Variants in ASTN2 observed in about 807,000 individuals in gnomAD.
The protein encoded by ASTN2 is astrotactin 2, also known as astrotactin-2.
In ASTN2, 54 loss-of-function variants were observed where a neutral mutation model predicts 139.8. That is an observed-to-expected ratio of 0.39 (90% CI 0.31 to 0.48). The LOEUF (loss-of-function observed/expected upper bound fraction) is 0.48, where lower values mean the gene tolerates loss of function less well. ASTN2 is among the 20% of genes least tolerant of loss of function. The probability of loss-of-function intolerance (pLI) is 0.95; values close to 1 mark genes in which losing one functional copy is unlikely to be tolerated. For missense variants in ASTN2, 1,565 were observed against 1,725.1 expected (o/e 0.91, Z 1.64); for synonymous variants, 756 against 719.5 (o/e 1.05, Z -0.81).
chr9:116,939,464 G>A (rs981675583), intron 10 of ASTN2, among the ~76,000 whole-genome samples: 1 of 151,948 alleles, frequency 6.6e-6, no homozygotes, highest in Non-Finnish European at 1.5e-5. Flanking sequence ...CTGGAGGACA[G>A]GCATTATATG....
At chr9:117,125,446 C>T (rs1314325119) in intron 4 of ASTN2, among the ~76,000 whole-genome samples, 1 of 152,182 alleles carries the variant, frequency 6.6e-6, no homozygotes, top group Non-Finnish European at 1.5e-5. Flanking sequence ...TTTAACAACT[C>T]TATCCCTATA....
At chr9:117,059,652 C>T (rs899742282) in intron 5 of ASTN2, among the ~76,000 whole-genome samples, 1 of 151,804 alleles carries the variant, frequency 6.6e-6, no homozygotes, top group African/African-American at 2.4e-5. Context: ...ACAAAAACCC[C>T]ACCACCACCA....
Position 116,424,496 on chromosome 9 carries a change from C to T in ASTN2, c.*1355G>A, listed in dbSNP as rs563997124. Among the ~76,000 whole-genome samples the T allele has an allele frequency of 3.9e-5, 6 of 152,266 alleles. No homozygotes were observed. Among genetic ancestry groups the T allele is most frequent in the Admixed American group, 2.0e-4 (3 of 15,280 alleles). On this transcript the variant is annotated 3_prime_UTR_variant, in exon 23 of 23. Transcript: ENST00000313400. ...CCTTTTAACACTTCCTATTTTGATC[C>T]CTACTCTTAAGGAAAGTTTTCAGTC...
At chr9:116,473,525 C>T (rs979309079) in intron 20 of ASTN2, among the ~76,000 whole-genome samples, 23 of 152,180 alleles carry the variant, frequency 1.5e-4, no homozygotes, top group Non-Finnish European at 1.0e-4. Context: ...AACAGAAAAA[C>T]GTGAGTAACT....
At chr9:116,718,747 T>C (rs1368767549) in intron 16 of ASTN2, among the ~76,000 whole-genome samples, 1 of 151,832 alleles carries the variant, frequency 6.6e-6, no homozygotes, top group Non-Finnish European at 1.5e-5. Context: ...CATCTTCTTT[T>C]GTTGGATCTC....
chr9:117,193,295 A>C (rs575746296), intron 3 of ASTN2, among the ~76,000 whole-genome samples: 10 of 152,248 alleles, frequency 6.6e-5, no homozygotes, highest in Middle Eastern at 3.4e-3. Context: ...GGCAACATGG[A>C]GAGGAAAGAG....
chr9:116,968,634 C>T (rs373801083), intron 10 of ASTN2, among the ~76,000 whole-genome samples: 11 of 152,246 alleles, frequency 7.2e-5, no homozygotes, highest in African/African-American at 2.6e-4. Context: ...TGTGGTGGCT[C>T]ACAACTGGAA....
chr9:116,772,933 G>C (rs1164332922), intron 13 of ASTN2, among the ~76,000 whole-genome samples: 2 of 152,160 alleles, frequency 1.3e-5, no homozygotes, highest in Non-Finnish European at 2.9e-5. Flanking sequence ...TTAGGGGTGT[G>C]TCTTTCCTGC....
At position 117,077,013 on chromosome 9, in the gene ASTN2, C is replaced by T. The variant is rs376945096; in HGVS notation, c.1276+19031G>A. On this transcript the variant is annotated intron_variant, in intron 5 of 22. Transcript: ENST00000313400. The stretch of plus-strand genomic sequence containing the variant: ...CTTTTAATTTAATTTTGTTCAGAGA[C>T]GCATGGGTAACAAATTTCACTAATC... Among the ~76,000 whole-genome samples the T allele has an allele frequency of 3.4e-4, 52 of 152,264 alleles. 5 individuals carry two copies. The highest frequency in any genetic ancestry group is 1.2e-3 in the African/African-American group (48 of 41,550).
chr9:116,581,240 T>C (rs1201670733), intron 19 of ASTN2, among the ~76,000 whole-genome samples: 2 of 152,148 alleles, frequency 1.3e-5, no homozygotes, highest in African/African-American at 4.8e-5. Flanking sequence ...CTCAGCTGGA[T>C]GGCAACATGG....
chr9:116,529,943 G>A (rs1164806588), intron 19 of ASTN2, among the ~76,000 whole-genome samples: 1 of 151,550 alleles, frequency 6.6e-6, no homozygotes, highest in Non-Finnish European at 1.5e-5. Flanking sequence ...ATAGCAGTGT[G>A]TAAACAGACT....
chr9:116,489,825 A>G lies in ASTN2; in HGVS notation c.3356-2325T>C, dbSNP rs549130325. Among the ~76,000 whole-genome samples the G allele has an allele frequency of 4.5e-4, 69 of 152,266 alleles. 2 individuals carry two copies. In the South Asian group the frequency reaches 8.7e-3, roughly 19 times the overall value. ...TGTTTCTTGGTTTCTATTTTTCACGAAGACAATACATGGTTCATAGACTTG... is the reference window on the plus strand; with the variant it reads ...TGTTTCTTGGTTTCTATTTTTCACGGAGACAATACATGGTTCATAGACTTG... On this transcript the variant is annotated intron_variant, in intron 19 of 22. Transcript: ENST00000313400.
chr9:116,540,733 C>T (rs1307231051), intron 19 of ASTN2: 1 of 152,176 alleles, frequency 6.6e-6, no homozygotes, highest in Non-Finnish European at 1.5e-5. Flanking sequence ...TAAGTTCCAT[C>T]CAACAGGTGA....
chr9:117,411,446 CA>C (rs199996219), intron 1 of ASTN2, among the ~76,000 whole-genome samples: 1,205 of 43,238 alleles, frequency 0.028, 10 homozygotes, highest in African/African-American at 0.037. Flanking sequence ...AAAGGATCTG[CA>C]AAAAAAAAAA....
chr9:116,426,785 T>C (rs979397080), intron 22 of ASTN2, among the ~76,000 whole-genome samples: 3 of 152,178 alleles, frequency 2.0e-5, no homozygotes, highest in Non-Finnish European at 4.4e-5. Context: ...TCAGAACTTT[T>C]CTGTGTCTCA....
Position 116,942,112 on chromosome 9 carries a change from A to AC in ASTN2, c.1889+33095dup, listed in dbSNP as rs1234984812. 3.1e-4 allele frequency among the ~76,000 whole-genome samples: 31 copies of AC among 100,874 alleles called. No homozygotes were observed. In the East Asian group the frequency reaches 5.2e-3, roughly 17 times the overall value. 66.2% of individuals were successfully genotyped at this position (100,874 alleles called of 152,430 possible). A position where few individuals can be genotyped will look rare whatever the true frequency, so the allele number is the denominator to read the frequency against. ...CACGCACACACACACACACACACAC[A>AC]CACCACACACACACACACAATGTGG... On this transcript the variant is annotated intron_variant, in intron 10 of 22. Transcript: ENST00000313400.
At chr9:117,253,668 G>C (rs1833601778) in intron 2 of ASTN2, among the ~76,000 whole-genome samples, 1 of 152,138 alleles carries the variant, frequency 6.6e-6, no homozygotes. Context: ...CAAGGAAATG[G>C]AAGCCAGAGA....
intron 19 of ASTN2, among the ~76,000 whole-genome samples, chr9:116,520,170 T>C (rs1251779951): frequency 3.3e-5 from 5 of 152,006 alleles, no homozygotes; most frequent in African/African-American, 4.8e-5. Flanking sequence ...ATCATCCTAA[T>C]ACCAAAACCA....
rs192169879 is a variant in ASTN2, at chr9:116,648,869, A to T, written c.3072+2659T>A. Among the ~76,000 whole-genome samples, 714 of 152,176 alleles carry T rather than the reference A, an allele frequency of 4.7e-3. 5 individuals carry two copies. Among genetic ancestry groups the T allele is most frequent in the African/African-American group, 0.017 (687 of 41,524 alleles). On this transcript the variant is annotated intron_variant, in intron 17 of 22. Coordinates refer to ENST00000313400, the MANE Select transcript of ASTN2 (RefSeq NM_001365068.1). Reference sequence around the variant, plus strand: ...GCCAACATGTTGAAACCTTGTCTCTACTAAAAATACAAAAATTAGCCAGGC... The same window carrying T: ...GCCAACATGTTGAAACCTTGTCTCTTCTAAAAATACAAAAATTAGCCAGGC...
Sources: gnomAD v4.1 joint callset for allele counts (sites outside exome capture counted in the v4.1 genomes callset) on GRCh38, gnomAD v4.1.1 for gene constraint, MANE v1.5 for transcripts, NCBI Gene and HGNC (gene_info 2026-07-23, HGNC 2026-07-21) for gene names.